Variants in OR10A6 observed in about 807,000 individuals in gnomAD.
The protein encoded by OR10A6 is olfactory receptor 10A6.
In OR10A6, 2 loss-of-function variants were observed where a neutral mutation model predicts 1.5. The ratio of observed to expected loss-of-function variants is 1.31; its 90% confidence interval spans 0.54 to 4.13. The LOEUF is 4.13. OR10A6 is among the 30% of genes most tolerant of loss of function. OR10A6 has a pLI of 0.07. For synonymous variants in OR10A6, 169 were observed against 137.3 expected (o/e 1.23, Z -1.61); for missense variants, 492 against 368.6 (o/e 1.33, Z -2.74).
At position 7,925,655 on chromosome 11, in the gene OR10A6, G is replaced by C. The variant is rs926416239; in HGVS notation, c.*2063C>G. On this transcript the variant is annotated 3_prime_UTR_variant, in exon 4 of 4. Coordinates refer to ENST00000641238, the MANE Select transcript of OR10A6 (RefSeq NM_001004461.2). The stretch of plus-strand genomic sequence containing the variant: ...TGGCTAAAAAGACTTTCTGTATTTA[G>C]CTTCCTTTGTTTGTTTCTTTGCTGA... 2 of 151,778 alleles carry C rather than the reference G, an allele frequency of 1.3e-5. No homozygotes were observed. Among genetic ancestry groups the C allele is most frequent in the Non-Finnish European group, 2.9e-5 (2 of 68,024 alleles). 9.4% of individuals were successfully genotyped at this position (151,778 alleles called of 1,614,324 possible). A position where few individuals can be genotyped will look rare whatever the true frequency, so the allele number is the denominator to read the frequency against.
chr11:7,927,792 T>A lies in OR10A6; in HGVS notation c.871A>T (p.Ser291Cys). 3 of 1,613,962 alleles carry A rather than the reference T, an allele frequency of 1.9e-6. No individual in the cohort carries two copies. The highest frequency in any genetic ancestry group is 1.3e-5 in the African/African-American group (1 of 75,010). The change falls in exon 4 of 4, where the codon AGT becomes TGT. Residue 291 changes from serine to cysteine, a missense_variant. Ser to Cys is a moderately radical substitution (Grantham distance 112). Transcript: ENST00000641238. ...CTCTTCATCTCACTATTTCGCAAACTGTAGATAAGCAGATTCAGCAGTGGT... is the reference window on the plus strand; with the variant it reads ...CTCTTCATCTCACTATTTCGCAAACAGTAGATAAGCAGATTCAGCAGTGGT... ...LTPLLNLLIY[S>C]LRNSEMKRAL...
At position 7,928,652 on chromosome 11, in the gene OR10A6, T is replaced by C. The variant is rs1394340647; in HGVS notation, c.11A>G (p.Gln4Arg). 7 of 1,598,462 alleles carry C rather than the reference T, an allele frequency of 4.4e-6. No homozygotes were observed. Among genetic ancestry groups the C allele is most frequent in the Non-Finnish European group, 6.0e-6 (7 of 1,174,506 alleles). The change falls in exon 4 of 4, where the codon CAA (glutamine) becomes CGA (arginine). Residue 4 changes from glutamine (Q) to arginine (R), a missense_variant. Physicochemically the swap from Gln to Arg is conservative, Grantham distance 43. Transcript: ENST00000641238. Reference sequence around the variant, plus strand: ...GAATTCAACCACACAGCTTTGATTTTGTCTTTCCATTTTCAGTAATGAAGT... The same window carrying C: ...GAATTCAACCACACAGCTTTGATTTCGTCTTTCCATTTTCAGTAATGAAGT... MER[Q>R]NQSCVVEFIL...
chr11:7,929,807 T>C lies in OR10A6; in HGVS notation c.-1145A>G, dbSNP rs535978191. 2.0e-3 allele frequency: 287 copies of C among 140,632 alleles called. 1 individual carries two copies. Among genetic ancestry groups the C allele is most frequent in the African/African-American group, 6.7e-3 (261 of 38,728 alleles). 8.7% of individuals were successfully genotyped at this position (140,632 alleles called of 1,614,324 possible). A position where few individuals can be genotyped will look rare whatever the true frequency, so the allele number is the denominator to read the frequency against. ...ACAACTGAGTGATTCAGTTCATTGA[T>C]TTTATAACATTATATGGCATAGAAT... is the stretch of plus-strand genomic sequence containing the variant. On this transcript the variant is annotated 5_prime_UTR_variant, in exon 4 of 4. Transcript: ENST00000641238.
rs761009070 is a variant in OR10A6 at position 7,928,055 on chromosome 11, G to A, written c.608C>T (p.Thr203Ile). 2.8e-5 allele frequency: 45 copies of A among 1,613,866 alleles called. No homozygotes were observed. The South Asian group carries it at 4.1e-4, about 15-fold the overall frequency. Residue 203 changes from threonine (T) to isoleucine (I), a missense_variant, in exon 4 of 4, where the codon ACC becomes ATC. By Grantham distance (89) the Thr-to-Ile change is moderately conservative (BLOSUM62 -1). Coordinates refer to ENST00000641238, the MANE Select transcript of OR10A6 (RefSeq NM_001004461.2). ...FLFEIYAFTG[T>I]FLIILVPFLL... is the part of the protein sequence containing the mutation. ...GAAAGGAACCAAAATAATCAAAAAG[G>A]TGCCTGTGAATGCATAGATTTCAAA...
chr11:7,927,919 C>G lies in OR10A6; in HGVS notation c.744G>C (p.Val248=). ...FSTCAAHLTS[V]TLFYGTASMT... is the part of the protein sequence containing the mutation. ...TACTGGCTGTGCCATAGAATAGGGTCACAGATGTGAGGTGAGCGGCACAGG... is the reference window on the plus strand; with the variant it reads ...TACTGGCTGTGCCATAGAATAGGGTGACAGATGTGAGGTGAGCGGCACAGG... The change falls in exon 4 of 4, where the codon GTG becomes GTC. Residue 248 remains valine (V), a synonymous_variant. Coordinates refer to ENST00000641238, the MANE Select transcript of OR10A6 (RefSeq NM_001004461.2). 1.2e-6 allele frequency: 2 copies of G among 1,613,908 alleles called. No individual in the cohort carries two copies. Among genetic ancestry groups the G allele is most frequent in the Non-Finnish European group, 8.5e-7 (1 of 1,179,990 alleles).
At position 7,928,367 on chromosome 11, in the gene OR10A6, G is replaced by A. The variant is rs1859459508; in HGVS notation, c.296C>T (p.Ala99Val). ...KTTISFGGCF[A>V]QMYFILLFGG... ...AAAAAGAAGGATGAAATACATCTGT[G>A]CAAAACAGCCCCCAAAAGAAATTGT... Residue 99 changes from alanine to valine, a missense_variant, in exon 4 of 4, where the codon GCA (alanine) becomes GTA (valine). Physicochemically the swap from Ala to Val is moderately conservative, Grantham distance 64 (BLOSUM62 0). Coordinates refer to ENST00000641238, the MANE Select transcript of OR10A6 (RefSeq NM_001004461.2). 2 of 1,613,920 alleles carry A rather than the reference G, an allele frequency of 1.2e-6. No homozygotes were observed. The highest frequency in any genetic ancestry group is 2.7e-5 in the African/African-American group (2 of 74,894).
Position 7,928,019 on chromosome 11 carries a change from A to T in OR10A6, c.644T>A (p.Leu215His), listed in dbSNP as rs1238455795. The T allele has an allele frequency of 6.2e-7, 1 of 1,614,030 alleles. No individual in the cohort carries two copies. The highest frequency in any genetic ancestry group is 1.7e-5 in the Admixed American group (1 of 59,926). The change falls in exon 4 of 4, where the codon CTC (leucine) becomes CAC (histidine). Residue 215 changes from leucine to histidine, a missense_variant. By Grantham distance (99) the Leu-to-His change is moderately conservative (BLOSUM62 -3). Transcript: ENST00000641238. The stretch of plus-strand genomic sequence containing the variant: ...AAACAGAACTCGAATGTAAGACAAG[A>T]GTATCAACAAGAAAGGAACCAAAAT... ...LIILVPFLLI[L>H]LSYIRVLFAI...
chr11:7,926,795 T>C lies in OR10A6; in HGVS notation c.*923A>G, dbSNP rs986676214. The C allele has an allele frequency of 2.6e-5, 4 of 152,218 alleles. No homozygotes were observed. Among genetic ancestry groups the C allele is most frequent in the Admixed American group, 1.3e-4 (2 of 15,278 alleles). 9.4% of individuals were successfully genotyped at this position (152,218 alleles called of 1,614,324 possible). A position where few individuals can be genotyped will look rare whatever the true frequency, so the allele number is the denominator to read the frequency against. ...CTTTATATATAACTAGAAAGACTATTATGTGATTATTTTATGTTGGAAAGA... is the reference window on the plus strand; with the variant it reads ...CTTTATATATAACTAGAAAGACTATCATGTGATTATTTTATGTTGGAAAGA... On this transcript the variant is annotated 3_prime_UTR_variant, in exon 4 of 4. Transcript: ENST00000641238.
At position 7,928,754 on chromosome 11, in the gene OR10A6, AC is replaced by A; in HGVS notation, c.-93del. 1.1e-6 allele frequency: 1 copy of A among 892,520 alleles called. No homozygotes were observed. Among genetic ancestry groups the A allele is most frequent in the Non-Finnish European group, 1.6e-6 (1 of 638,530 alleles). 55.3% of individuals were successfully genotyped at this position (892,520 alleles called of 1,614,324 possible). A position where few individuals can be genotyped will look rare whatever the true frequency, so the allele number is the denominator to read the frequency against. ...TAGCTAAGAGTTCCAGTCTGCATTCACCCCAGAAATTCTGGCAGAAGATGAG... is the reference window on the plus strand; with the variant it reads ...TAGCTAAGAGTTCCAGTCTGCATTCACCCAGAAATTCTGGCAGAAGATGAG... On this transcript the variant is annotated 5_prime_UTR_variant, in exon 4 of 4. Coordinates refer to ENST00000641238, the MANE Select transcript of OR10A6 (RefSeq NM_001004461.2).
At position 7,929,723 on chromosome 11, in the gene OR10A6, C is replaced by CATATATATATATATATATATAT. The variant is rs1554906034; in HGVS notation, c.-1083_-1062dup. On this transcript the variant is annotated 5_prime_UTR_variant, in exon 4 of 4. In the 5' UTR this introduces an upstream ATG that the reference lacks. Coordinates refer to ENST00000641238, the MANE Select transcript of OR10A6 (RefSeq NM_001004461.2). ...CTTTCTCTCTCTCTTTCTATGTGTA[C>CATATATATATATATATATATAT]ATATATATATATATATATATATATA... The CATATATATATATATATATATAT allele has an allele frequency of 9.6e-4, 28 of 29,316 alleles. No homozygotes were observed. Among genetic ancestry groups the CATATATATATATATATATATAT allele is most frequent in the East Asian group, 2.7e-3 (1 of 366 alleles). 1.8% of individuals were successfully genotyped at this position (29,316 alleles called of 1,614,324 possible).
rs1356148314 is a variant in OR10A6, at chr11:7,926,236, T to A, written c.*1482A>T. On this transcript the variant is annotated 3_prime_UTR_variant, in exon 4 of 4. Coordinates refer to ENST00000641238, the MANE Select transcript of OR10A6 (RefSeq NM_001004461.2). ...CCCATATCCCCTCTCTGCTGACAGT[T>A]GTTCTGTCCTTCAGTAAAATTCTTC... 2 of 152,400 alleles carry A rather than the reference T, an allele frequency of 1.3e-5. No homozygotes were observed. Among genetic ancestry groups the A allele is most frequent in the Admixed American group, 6.5e-5 (1 of 15,290 alleles). The allele number at this position is 152,400 out of a possible 1,614,324, so 9.4% of individuals were successfully genotyped here. A position where few individuals can be genotyped will look rare whatever the true frequency, so the allele number is the denominator to read the frequency against.
chr11:7,927,703 G>A lies in OR10A6; in HGVS notation c.*15C>T. On this transcript the variant is annotated 3_prime_UTR_variant, in exon 4 of 4. Transcript: ENST00000641238. ...GTCATGCAGTGACTAAATCTTACAT[G>A]GCTTCTCAACACAGTCAGATTGTGT... 6.5e-7 allele frequency: 1 copy of A among 1,539,636 alleles called. No homozygotes were observed. Among genetic ancestry groups the A allele is most frequent in the Non-Finnish European group, 9.0e-7 (1 of 1,115,480 alleles).
chr11:7,928,521 T>A lies in OR10A6; in HGVS notation c.142A>T (p.Ile48Phe). The change falls in exon 4 of 4, where the codon ATC (isoleucine) becomes TTC (phenylalanine). Residue 48 changes from isoleucine (I) to phenylalanine (F), a missense_variant. Ile to Phe is a conservative substitution (Grantham distance 21). Transcript: ENST00000641238. Reference protein sequence around the residue: ...TLIGNAIIIVIVSLDQSLHVP... With the variant: ...TLIGNAIIIVFVSLDQSLHVP... ...TGGAGGCTCTGGTCTAGGGAGACGA[T>A]GACTATAATAATGGCATTTCCTATC... is the stretch of plus-strand genomic sequence containing the variant. The A allele has an allele frequency of 2.5e-6, 4 of 1,613,870 alleles. No homozygotes were observed. The highest frequency in any genetic ancestry group is 3.4e-6 in the Non-Finnish European group (4 of 1,179,880).
rs932158699 is a variant in OR10A6, at chr11:7,925,722, A to G, written c.*1996T>C. 1 of 152,216 alleles carries G rather than the reference A, an allele frequency of 6.6e-6. No individual in the cohort carries two copies. The highest frequency in any genetic ancestry group is 1.5e-5 in the Non-Finnish European group (1 of 68,036). 9.4% of individuals were successfully genotyped at this position (152,216 alleles called of 1,614,324 possible). Reference sequence around the variant, plus strand: ...AAGTCTTACTTAATTGGTTCTTTTAAAAGCTATCAGAAGGAAATTTCAGGA... The same window carrying G: ...AAGTCTTACTTAATTGGTTCTTTTAGAAGCTATCAGAAGGAAATTTCAGGA... On this transcript the variant is annotated 3_prime_UTR_variant, in exon 4 of 4. Coordinates refer to ENST00000641238, the MANE Select transcript of OR10A6 (RefSeq NM_001004461.2).
rs1242052891 is a variant in OR10A6 at position 7,929,720 on chromosome 11, GTACATATA to G, written c.-1066_-1059del. The G allele has an allele frequency of 7.2e-3, 658 of 91,434 alleles. 6 individuals are homozygous for G. Among genetic ancestry groups the G allele is most frequent in the African/African-American group, 0.026 (590 of 22,560 alleles). 5.7% of individuals were successfully genotyped at this position (91,434 alleles called of 1,614,324 possible). A position where few individuals can be genotyped will look rare whatever the true frequency, so the allele number is the denominator to read the frequency against. Reference sequence around the variant, plus strand: ...TTTCTTTCTCTCTCTCTTTCTATGTGTACATATATATATATATATATATATATATATAT... The same window carrying G: ...TTTCTTTCTCTCTCTCTTTCTATGTGTATATATATATATATATATATATAT... On this transcript the variant is annotated 5_prime_UTR_variant, in exon 4 of 4. The change abolishes an upstream ATG in the 5' untranslated region. Transcript: ENST00000641238.
At position 7,927,725 on chromosome 11, in the gene OR10A6, G is replaced by A. The variant is rs199951711; in HGVS notation, c.938C>T (p.Thr313Ile). The change falls in exon 4 of 4, where the codon ACA becomes ATA. Residue 313 changes from threonine to isoleucine, a missense_variant. By Grantham distance (89) the Thr-to-Ile change is moderately conservative (BLOSUM62 -1). Transcript: ENST00000641238. ...CATGGCTTCTCAACACAGTCAGATT[G>A]TGTGTAAAACCACTCGCCTTCGCCA... ...KLWRRRVVLH[T>I]I is the part of the protein sequence containing the mutation. The A allele has an allele frequency of 1.3e-5, 21 of 1,605,284 alleles. No individual in the cohort carries two copies. Among genetic ancestry groups the A allele is most frequent in the East Asian group, 4.5e-5 (2 of 44,802 alleles).
At chr11:7,930,930 G>C (rs1440599033) in intron 2 of OR10A6, 41 bp from the exon 3 acceptor site, 1 of 152,194 alleles carries the variant, frequency 6.6e-6, no homozygotes, top group South Asian at 2.1e-4. Flanking sequence ...TACTAACCAA[G>C]TTCTCTTCTA....
At position 7,928,952 on chromosome 11, in the gene OR10A6, TATAA is replaced by T. The variant is rs1242396847; in HGVS notation, c.-294_-291del. ...AAATTAAACATAGCCTTAATGGAAA[TATAA>T]ATACTTTATACCTTAGGTTCCAATC... is the stretch of plus-strand genomic sequence containing the variant. On this transcript the variant is annotated 5_prime_UTR_variant, in exon 4 of 4. An upstream open reading frame in the 5' UTR gains an earlier in-frame stop. Transcript: ENST00000641238. 6.6e-6 allele frequency: 2 copies of T among 302,502 alleles called. No individual in the cohort carries two copies. Among genetic ancestry groups the T allele is most frequent in the Admixed American group, 9.5e-5 (2 of 20,948 alleles). The allele number at this position is 302,502 out of a possible 1,614,324, so 18.7% of individuals were successfully genotyped here. A position where few individuals can be genotyped will look rare whatever the true frequency, so the allele number is the denominator to read the frequency against.
rs1212262348 is a variant in OR10A6, at chr11:7,929,925, T to TTA, written c.-1265_-1264dup. ...TAAACAGATTAATATTTTATATATA[T>TTA]TATATATATATAAGCTCTAGTAAGG... On this transcript the variant is annotated 5_prime_UTR_variant, in exon 4 of 4. Transcript: ENST00000641238. 82 of 132,736 alleles carry TTA rather than the reference T, an allele frequency of 6.2e-4. No individual in the cohort carries two copies. The highest frequency in any genetic ancestry group is 2.2e-3 in the African/African-American group (78 of 35,710). 8.2% of individuals were successfully genotyped at this position (132,736 alleles called of 1,614,324 possible). A position where few individuals can be genotyped will look rare whatever the true frequency, so the allele number is the denominator to read the frequency against.
Sources: gnomAD v4.1 joint callset for allele counts on GRCh38, gnomAD v4.1.1 for gene constraint, MANE v1.5 for transcripts, NCBI Gene and HGNC (gene_info 2026-07-23, HGNC 2026-07-21) for gene names.